The following CHCHD6 variants were observed in gnomAD, a reference collection of about 807,000 sequenced individuals.
CHCHD6 encodes the protein coiled-coil-helix-coiled-coil-helix domain containing 6.
A neutral mutation model predicts 32.3 loss-of-function variants in CHCHD6; 28 were observed. The observed-to-expected ratio is 0.87, with a 90% CI of 0.64 to 1.19. CHCHD6 has a LOEUF of 1.19. CHCHD6 is among the 50% of genes most tolerant of loss of function. CHCHD6 has a pLI of 0.00. For synonymous variants in CHCHD6, 122 were observed against 117.5 expected, an observed-to-expected ratio of 1.04 and a Z score of -0.25; for missense variants, 333 against 307.0, an observed-to-expected ratio of 1.08 and a Z score of -0.63.
intron 4 of CHCHD6, among the ~76,000 whole-genome samples, chr3:126,768,828 C>T (rs777375914): frequency 6.6e-6 from 1 of 152,148 alleles, no homozygotes; most frequent in Non-Finnish European, 1.5e-5. Context: ...TGATGTTGAG[C>T]ATTTTTTCAT....
Position 126,870,598 on chromosome 3 carries a change from C to T in CHCHD6, c.495+17868C>T, listed in dbSNP as rs947206746. Among the ~76,000 whole-genome samples the T allele has an allele frequency of 3.3e-5, 5 of 152,200 alleles. No individual in the cohort carries two copies. In the South Asian group the frequency reaches 1.0e-3, roughly 32 times the overall value. ...CTGTCTTCCACAGCACATCCTGGGG[C>T]TTCCAGTCCTTAGCGTGGCTCCCTC... On this transcript the variant is annotated intron_variant, in intron 5 of 7. Coordinates refer to ENST00000290913, the MANE Select transcript of CHCHD6 (RefSeq NM_032343.3).
intron 6 of CHCHD6, among the ~76,000 whole-genome samples, chr3:126,919,409 G>A (rs1700663925): frequency 6.6e-6 from 1 of 150,760 alleles, no homozygotes; most frequent in Non-Finnish European, 1.5e-5. Context: ...AACCGCCTGG[G>A]CTCAAGAGAT....
chr3:126,764,534 C>T (rs758079796), intron 4 of CHCHD6, among the ~76,000 whole-genome samples: 4 of 152,202 alleles, frequency 2.6e-5, no homozygotes, highest in Non-Finnish European at 2.9e-5. Flanking sequence ...TCGAAGGTCC[C>T]TTTCCTGCTC....
chr3:126,865,847 C>A, intron 5 of CHCHD6: 1 of 703,020 alleles, frequency 1.4e-6, no homozygotes, highest in Non-Finnish European at 1.7e-6. Flanking sequence ...GCAGAAACTG[C>A]AACCTCTCTT....
intron 5 of CHCHD6, among the ~76,000 whole-genome samples, chr3:126,880,018 A>T (rs1019082860): frequency 1.3e-5 from 2 of 152,232 alleles, no homozygotes; most frequent in Non-Finnish European, 1.5e-5. Context: ...TTAGTGGCAG[A>T]AATAAGATTT....
chr3:126,869,524 G>T (rs564643729), intron 5 of CHCHD6, among the ~76,000 whole-genome samples: 1 of 152,018 alleles, frequency 6.6e-6, no homozygotes, highest in East Asian at 1.9e-4. Flanking sequence ...TATAATTATT[G>T]ATACGGCTGA....
At chr3:126,779,578 T>G (rs1198750863) in intron 4 of CHCHD6, among the ~76,000 whole-genome samples, 3 of 151,508 alleles carry the variant, frequency 2.0e-5, no homozygotes, top group Non-Finnish European at 4.4e-5. Flanking sequence ...GTTTTAGCTC[T>G]TATATTTAGG....
intron 4 of CHCHD6, among the ~76,000 whole-genome samples, chr3:126,785,894 T>G (rs1467491767): frequency 6.6e-6 from 1 of 152,218 alleles, no homozygotes. Context: ...TTGTTACATA[T>G]GTATACATGT....
intron 5 of CHCHD6, among the ~76,000 whole-genome samples, chr3:126,902,298 C>G (rs2077939961): frequency 6.6e-6 from 1 of 152,142 alleles, no homozygotes; most frequent in Non-Finnish European, 1.5e-5. Context: ...GGACCACTGG[C>G]CTAGAGTTGA....
intron 6 of CHCHD6, among the ~76,000 whole-genome samples, chr3:126,916,230 A>G (rs1405756528): frequency 6.6e-6 from 1 of 151,924 alleles, no homozygotes; most frequent in Non-Finnish European, 1.5e-5. Context: ...GTGAAACCCC[A>G]TCTCTACTAA....
At chr3:126,767,054 G>T in intron 4 of CHCHD6, 1 of 973,856 alleles carries the variant, frequency 1.0e-6, no homozygotes, top group Non-Finnish European at 1.6e-6. Flanking sequence ...CACTCAATGG[G>T]GAACCAGTCT....
intron 5 of CHCHD6, among the ~76,000 whole-genome samples, chr3:126,853,573 T>C (rs1941552286): frequency 6.6e-6 from 1 of 152,164 alleles, no homozygotes; most frequent in African/African-American, 2.4e-5. Flanking sequence ...CAGTGGAGGC[T>C]GACAGAAATA....
At chr3:126,902,031 A>G (rs1418163477) in intron 5 of CHCHD6, among the ~76,000 whole-genome samples, 1 of 152,282 alleles carries the variant, frequency 6.6e-6, no homozygotes, top group East Asian at 1.9e-4. Context: ...GTCCTAAGGC[A>G]TAAAACTAGT....
chr3:126,952,489 ACAGG>A (rs1328176281), intron 6 of CHCHD6, among the ~76,000 whole-genome samples: 1 of 152,180 alleles, frequency 6.6e-6, no homozygotes, highest in Non-Finnish European at 1.5e-5. Context: ...GAGCTCGCAC[ACAGG>A]CAGAGGCCCA....
At chr3:126,745,140 A>C (rs1478356807) in intron 4 of CHCHD6, among the ~76,000 whole-genome samples, 1 of 152,198 alleles carries the variant, frequency 6.6e-6, no homozygotes, top group Non-Finnish European at 1.5e-5. Flanking sequence ...GGGGGCTGGG[A>C]TAGTGAGCAG....
chr3:126,898,387 G>A (rs942276842), intron 5 of CHCHD6, among the ~76,000 whole-genome samples: 2 of 152,210 alleles, frequency 1.3e-5, no homozygotes, highest in Admixed American at 6.5e-5. Context: ...TGCTGGGCCC[G>A]CATCTGGCCA....
intron 6 of CHCHD6, among the ~76,000 whole-genome samples, chr3:126,923,214 C>G (rs577105643): frequency 4.5e-4 from 69 of 152,356 alleles, no homozygotes; most frequent in Admixed American, 1.8e-3. Context: ...AATCTCTGTT[C>G]TCAGTCCCTG....
intron 6 of CHCHD6, among the ~76,000 whole-genome samples, chr3:126,949,107 G>A (rs1360518048): frequency 1.3e-5 from 2 of 152,240 alleles, no homozygotes; most frequent in African/African-American, 4.8e-5. Context: ...GCCAGGTCCA[G>A]TGTTTCCTTC....
intron 5 of CHCHD6, among the ~76,000 whole-genome samples, chr3:126,865,145 C>G (rs1942238749): frequency 1.6e-5 from 1 of 61,440 alleles, no homozygotes; most frequent in Non-Finnish European, 4.3e-5. Context: ...CCACCACCAC[C>G]TCCTTTTCCA....
Sources: allele counts gnomAD v4.1 joint callset (sites outside exome capture counted in the v4.1 genomes callset), GRCh38; gene constraint gnomAD v4.1.1; transcripts MANE v1.5; gene names NCBI Gene and HGNC (gene_info 2026-07-23, HGNC 2026-07-21).